Variants in PDGFRA observed in about 807,000 individuals in gnomAD.
The protein encoded by PDGFRA is platelet derived growth factor receptor alpha.
In PDGFRA, 25 loss-of-function variants were observed where a neutral mutation model predicts 121.5. That is an observed-to-expected ratio of 0.21 (90% CI 0.15 to 0.29). The LOEUF (loss-of-function observed/expected upper bound fraction) is 0.29, where lower values mean the gene tolerates loss of function less well. Ranked by LOEUF, PDGFRA falls within the 10% of genes least tolerant of loss-of-function variation. PDGFRA has a pLI of 1.00. For missense variants in PDGFRA, 1,008 were observed against 1,345.1 expected, an observed-to-expected ratio of 0.75 and a Z score of 3.92; for synonymous variants, 463 against 494.8, an observed-to-expected ratio of 0.94 and a Z score of 0.85.
intron 21 of PDGFRA, among the ~76,000 whole-genome samples, chr4:54,289,765 A>G (rs1724532619): frequency 6.6e-6 from 1 of 152,158 alleles, no homozygotes; most frequent in African/African-American, 2.4e-5. Flanking sequence ...TCTGTCTGTT[A>G]ATTATCTCAC....
chr4:54,235,535 C>T (rs1157260650), intron 1 of PDGFRA, among the ~76,000 whole-genome samples: 1 of 152,246 alleles, frequency 6.6e-6, no homozygotes, highest in African/African-American at 2.4e-5. Context: ...GCTGCAAAGT[C>T]ATTTGTTTCT....
chr4:54,282,252 A>G (rs1724117289), intron 16 of PDGFRA, among the ~76,000 whole-genome samples: 1 of 152,184 alleles, frequency 6.6e-6, no homozygotes, highest in African/African-American at 2.4e-5. Flanking sequence ...TATAAGGGAA[A>G]GAGGTTTAAT....
At chr4:54,230,231 G>A (rs7689569) in intron 1 of PDGFRA, 34,682 of 153,080 alleles carry the variant, frequency 0.23, 4,117 homozygotes, top group Admixed American at 0.32. Flanking sequence ...AGGGAGAGCG[G>A]GTGCCTGCCG....
At chr4:54,284,555 A>T (rs1724219351) in intron 16 of PDGFRA, among the ~76,000 whole-genome samples, 1 of 12,158 alleles carries the variant, frequency 8.2e-5, no homozygotes, top group Non-Finnish European at 5.1e-4. Flanking sequence ...GGAGCAAGTG[A>T]GAGAGAGACA....
intron 1 of PDGFRA, among the ~76,000 whole-genome samples, chr4:54,252,380 T>C (rs1722098014): frequency 6.6e-6 from 1 of 152,216 alleles, no homozygotes; most frequent in African/African-American, 2.4e-5. Flanking sequence ...TTTTCTTAAA[T>C]TGAACACTTA....
chr4:54,298,195 G>A lies in PDGFRA; in HGVS notation c.*2923G>A, dbSNP rs895726251. The A allele has an allele frequency of 2.0e-5, 4 of 202,808 alleles. No homozygotes were observed. The highest frequency in any genetic ancestry group is 6.0e-5 in the Admixed American group (1 of 16,666). 12.6% of individuals were successfully genotyped at this position (202,808 alleles called of 1,614,324 possible). A position where few individuals can be genotyped will look rare whatever the true frequency, so the allele number is the denominator to read the frequency against. On this transcript the variant is annotated 3_prime_UTR_variant, in exon 23 of 23. Transcript: ENST00000257290. The stretch of plus-strand genomic sequence containing the variant: ...CCTGTTCATGTTTTTGTTTTAAAAC[G>A]TGTAAATGAAGATCTTTATATTTCA...
intron 7 of PDGFRA, among the ~76,000 whole-genome samples, chr4:54,268,025 T>C (rs924715208): frequency 7.2e-5 from 11 of 152,168 alleles, no homozygotes; most frequent in African/African-American, 1.9e-4. Context: ...GGAAGTAAAA[T>C]TGGACTCACC....
At chr4:54,237,174 C>T (rs1183908879) in intron 1 of PDGFRA, among the ~76,000 whole-genome samples, 4 of 152,122 alleles carry the variant, frequency 2.6e-5, no homozygotes, top group African/African-American at 7.2e-5. Flanking sequence ...TTCATCATGT[C>T]GGCCAGGATG....
intron 7 of PDGFRA, among the ~76,000 whole-genome samples, chr4:54,269,225 G>A (rs377117867): frequency 7.9e-5 from 12 of 152,204 alleles, no homozygotes; most frequent in Admixed American, 3.3e-4. Flanking sequence ...TGCTGTCTTC[G>A]TAGGTCTGAG....
At chr4:54,229,605 T>G (rs1450818994) in intron 1 of PDGFRA, among the ~76,000 whole-genome samples, 190 bp downstream of exon 1, 1 of 151,910 alleles carries the variant, frequency 6.6e-6, no homozygotes, top group African/African-American at 2.4e-5. Context: ...GGGTGGGAGA[T>G]AACCATAGAG....
intron 12 of PDGFRA, 23 bp from the exon 13 acceptor site, chr4:54,277,365 T>G (rs2110307972): frequency 1.3e-6 from 2 of 1,569,478 alleles, no homozygotes; most frequent in Non-Finnish European, 1.8e-6. Flanking sequence ...TTTTTGGGTG[T>G]TAATGATTCT....
intron 21 of PDGFRA, 39 bp downstream of exon 21, chr4:54,289,153 C>G (rs1724506735): frequency 8.4e-7 from 1 of 1,185,878 alleles, no homozygotes; most frequent in Non-Finnish European, 1.3e-6. Flanking sequence ...CTGGATAAAG[C>G]TGGAAGTTAT....
chr4:54,267,125 C>T (rs1723069170), intron 5 of PDGFRA, among the ~76,000 whole-genome samples, 164 bp from the exon 6 acceptor site: 1 of 152,160 alleles, frequency 6.6e-6, no homozygotes, highest in Non-Finnish European at 1.5e-5. Flanking sequence ...CCTACACCCA[C>T]ACATGTGTAG....
chr4:54,267,482 G>T (rs189298666), intron 6 of PDGFRA, 22 bp downstream of exon 6: 18 of 1,613,900 alleles, frequency 1.1e-5, no homozygotes, highest in Middle Eastern at 1.6e-4. Context: ...TTTCTAAAAT[G>T]TCAGTTGTCC....
chr4:54,274,967 G>C lies in PDGFRA; in HGVS notation c.1780G>C (p.Val594Leu), dbSNP rs2110300821. 3.1e-6 allele frequency: 5 copies of C among 1,614,112 alleles called. No individual in the cohort carries two copies. Among genetic ancestry groups the C allele is most frequent in the South Asian group, 2.2e-5 (2 of 91,080 alleles). ...ATGGGAGTTTCCAAGAGATGGACTA[G>C]TGCTTGGTAAGTTCCATGGGGTAAC... is the stretch of plus-strand genomic sequence containing the variant. ...SRWEFPRDGL[V>L]LGRVLGSGAF... is the part of the protein sequence containing the mutation. Residue 594 changes from valine (V) to leucine (L), a missense_variant, in exon 12 of 23, where the codon GTG becomes CTG. Transcript: ENST00000257290.
intron 2 of PDGFRA, 50 bp downstream of exon 2, chr4:54,258,867 T>G (rs769261471): frequency 6.8e-7 from 1 of 1,480,776 alleles, no homozygotes; most frequent in Non-Finnish European, 9.5e-7. Context: ...TCTTGTTTTT[T>G]TAAGCTTTGT....
At chr4:54,290,660 G>T in intron 22 of PDGFRA, 106 bp downstream of exon 22, 1 of 1,296,238 alleles carries the variant, frequency 7.7e-7, no homozygotes, top group South Asian at 1.2e-5. Flanking sequence ...TGGTAAATAT[G>T]TACTCAGGGA....
At chr4:54,289,141 G>T (rs375400048) in intron 21 of PDGFRA, 27 bp downstream of exon 21, 96 of 1,313,296 alleles carry the variant, frequency 7.3e-5, no homozygotes, top group Non-Finnish European at 1.0e-4. Context: ...GGGTGGAAAG[G>T]TCTGGATAAA....
At chr4:54,275,064 T>C in intron 12 of PDGFRA, 91 bp downstream of exon 12, 2 of 1,401,004 alleles carry the variant, frequency 1.4e-6, no homozygotes, top group African/African-American at 1.4e-5. Flanking sequence ...AGATCTGAGC[T>C]TGTGCTTAGT....
Sources: gnomAD v4.1 joint callset for allele counts (sites outside exome capture counted in the v4.1 genomes callset) on GRCh38, gnomAD v4.1.1 for gene constraint, MANE v1.5 for transcripts, NCBI Gene and HGNC (gene_info 2026-07-23, HGNC 2026-07-21) for gene names.